VKORC1L1: variants seen among roughly 807,000 people sequenced by gnomAD.
VKORC1L1 encodes vitamin K epoxide reductase complex subunit 1L1.
VKORC1L1 carries 2 observed loss-of-function variants against 18.9 expected under a neutral mutation model. That is an observed-to-expected ratio of 0.11 (90% CI 0.04 to 0.33). The LOEUF (loss-of-function observed/expected upper bound fraction) is 0.33. VKORC1L1 is among the 10% of genes least tolerant of loss of function. The pLI is 1.00. For synonymous variants in VKORC1L1, 96 were observed against 100.0 expected, an observed-to-expected ratio of 0.96 and a Z score of 0.24; for missense variants, 123 against 224.1, an observed-to-expected ratio of 0.55 and a Z score of 2.88.
intron 1 of VKORC1L1, among the ~76,000 whole-genome samples, chr7:65,888,800 TAGG>T (rs1276787297): frequency 6.6e-6 from 1 of 152,152 alleles, no homozygotes; most frequent in Non-Finnish European, 1.5e-5. Context: ...TCCTGAGAAT[TAGG>T]AGAAAGAAGA....
chr7:65,936,346 T>C (rs1789942189), intron 1 of VKORC1L1, among the ~76,000 whole-genome samples: 1 of 152,184 alleles, frequency 6.6e-6, no homozygotes, highest in African/African-American at 2.4e-5. Context: ...TCTTTGTATG[T>C]CATATAATCT....
intron 1 of VKORC1L1, among the ~76,000 whole-genome samples, chr7:65,904,805 A>C (rs1031341469): frequency 6.6e-6 from 1 of 152,218 alleles, no homozygotes; most frequent in Non-Finnish European, 1.5e-5. Flanking sequence ...GTCTTGAAAA[A>C]TTCATTCAGG....
intron 1 of VKORC1L1, among the ~76,000 whole-genome samples, chr7:65,885,933 A>C (rs995399163): frequency 3.9e-5 from 6 of 152,236 alleles, no homozygotes; most frequent in African/African-American, 1.4e-4. Flanking sequence ...GAATTGTGCT[A>C]AATTTATAGA....
At chr7:65,896,417 C>A (rs1789213397) in intron 1 of VKORC1L1, among the ~76,000 whole-genome samples, 2 of 151,970 alleles carry the variant, frequency 1.3e-5, no homozygotes, top group African/African-American at 4.8e-5. Context: ...AGTGGGACTG[C>A]TGGGTCATAG....
At chr7:65,946,752 G>A (rs887766441) in intron 1 of VKORC1L1, among the ~76,000 whole-genome samples, 13 of 152,146 alleles carry the variant, frequency 8.5e-5, no homozygotes, top group Admixed American at 2.0e-4. Flanking sequence ...CCGGCACGTA[G>A]CGTCAGTGCA....
At chr7:65,927,038 G>A (rs994701328) in intron 1 of VKORC1L1, among the ~76,000 whole-genome samples, 5 of 152,156 alleles carry the variant, frequency 3.3e-5, no homozygotes, top group African/African-American at 7.2e-5. Flanking sequence ...TGTAATCCTT[G>A]CACCTTGGGG....
At chr7:65,876,250 A>C (rs1788825305) in intron 1 of VKORC1L1, among the ~76,000 whole-genome samples, 1 of 152,210 alleles carries the variant, frequency 6.6e-6, no homozygotes, top group South Asian at 2.1e-4. Flanking sequence ...AATCTCTCAG[A>C]ATAAAATATT....
At chr7:65,912,006 A>T (rs1019241423) in intron 1 of VKORC1L1, among the ~76,000 whole-genome samples, 3 of 152,300 alleles carry the variant, frequency 2.0e-5, no homozygotes, top group Non-Finnish European at 4.4e-5. Context: ...ATATAATCCC[A>T]TAATATAATA....
intron 2 of VKORC1L1, among the ~76,000 whole-genome samples, chr7:65,949,400 AC>A (rs1273186828): frequency 6.6e-6 from 1 of 151,860 alleles, no homozygotes; most frequent in African/African-American, 2.4e-5. Flanking sequence ...AGTCACTTGA[AC>A]CCGGGAGACG....
At chr7:65,875,143 T>C (rs1161472868) in intron 1 of VKORC1L1, among the ~76,000 whole-genome samples, 1 of 152,162 alleles carries the variant, frequency 6.6e-6, no homozygotes, top group Non-Finnish European at 1.5e-5. Context: ...AGATAACTTA[T>C]TTGCCATGTA....
intron 1 of VKORC1L1, among the ~76,000 whole-genome samples, chr7:65,897,408 A>C (rs930741014): frequency 5.9e-5 from 9 of 152,184 alleles, no homozygotes; most frequent in African/African-American, 1.9e-4. Flanking sequence ...TATGGAGAGC[A>C]GTTGAATAAT....
chr7:65,954,386 T>G lies in VKORC1L1; in HGVS notation c.*86T>G, dbSNP rs1242097491. 3 of 1,479,604 alleles carry G rather than the reference T, an allele frequency of 2.0e-6. No individual in the cohort carries two copies. Among genetic ancestry groups the G allele is most frequent in the Non-Finnish European group, 1.8e-6 (2 of 1,121,388 alleles). 91.7% of individuals were successfully genotyped at this position (1,479,604 alleles called of 1,614,324 possible). On this transcript the variant is annotated 3_prime_UTR_variant, in exon 3 of 3. Transcript: ENST00000360768. ...AGGTTTTTATTATTATTATTATTAT[T>G]ATTATTCACAACAGACACTTTCCCT...
chr7:65,942,524 T>TTTTTC (rs568783284), intron 1 of VKORC1L1, among the ~76,000 whole-genome samples: 1 of 151,524 alleles, frequency 6.6e-6, no homozygotes, highest in African/African-American at 2.4e-5. Context: ...TTGTTGAATT[T>TTTTTC]TTTTCTTTTC....
At chr7:65,914,252 C>T (rs893307203) in intron 1 of VKORC1L1, among the ~76,000 whole-genome samples, 1 of 152,134 alleles carries the variant, frequency 6.6e-6, no homozygotes, top group Non-Finnish European at 1.5e-5. Context: ...CACCATCATA[C>T]CACCATGCCC....
intron 1 of VKORC1L1, among the ~76,000 whole-genome samples, chr7:65,939,293 TG>T (rs1789996259): frequency 1.3e-5 from 2 of 152,288 alleles, no homozygotes; most frequent in African/African-American, 4.8e-5. Context: ...ACATGGCTGG[TG>T]GCTCATCCAG....
intron 1 of VKORC1L1, among the ~76,000 whole-genome samples, chr7:65,899,468 T>G (rs1789273026): frequency 6.6e-6 from 1 of 152,230 alleles, no homozygotes; most frequent in Admixed American, 6.5e-5. Flanking sequence ...TCTGCAGTAA[T>G]GTTTTTTCTC....
intron 1 of VKORC1L1, among the ~76,000 whole-genome samples, chr7:65,893,907 C>T (rs1789147827): frequency 1.3e-5 from 2 of 152,136 alleles, no homozygotes; most frequent in African/African-American, 2.4e-5. Context: ...CACAAGAATA[C>T]CTGTTAGGAT....
rs536195491 is a variant in VKORC1L1, at chr7:65,925,135, T to C, written c.195-23536T>C. On this transcript the variant is annotated intron_variant, in intron 1 of 2. Transcript: ENST00000360768. ...ATCTAGAAACCTTCAGGTTTTTATT[T>C]TGGGCTGCTTATTGGATGGAGTTAT... is the stretch of plus-strand genomic sequence containing the variant. 3.9e-5 allele frequency among the ~76,000 whole-genome samples: 6 copies of C among 152,332 alleles called. No homozygotes were observed. In the East Asian group the frequency reaches 1.2e-3, roughly 29 times the overall value.
chr7:65,898,545 G>C (rs1789256818), intron 1 of VKORC1L1, among the ~76,000 whole-genome samples: 1 of 152,184 alleles, frequency 6.6e-6, no homozygotes, highest in Non-Finnish European at 1.5e-5. Context: ...ATATTTGCAA[G>C]CATATATAAT....
Sources: allele counts gnomAD v4.1 joint callset (sites outside exome capture counted in the v4.1 genomes callset), GRCh38; gene constraint gnomAD v4.1.1; transcripts MANE v1.5; gene names NCBI Gene and HGNC (gene_info 2026-07-23, HGNC 2026-07-21).